NR3C1: variants seen among roughly 807,000 people sequenced by gnomAD.
NR3C1 encodes nuclear receptor subfamily 3 group C member 1.
In NR3C1, 14 loss-of-function variants were observed where a neutral mutation model predicts 74.0. The observed-to-expected ratio is 0.19, with a 90% CI of 0.12 to 0.30. The LOEUF is 0.30. NR3C1 is among the 10% of genes least tolerant of loss of function. The pLI, the probability that NR3C1 is intolerant of heterozygous loss-of-function variation, is 1.00. For missense variants in NR3C1, 695 were observed against 909.8 expected (o/e 0.76, Z 3.04); for synonymous variants, 308 against 332.5 (o/e 0.93, Z 0.80).
At chr5:143,385,176 T>G (rs7716360) in intron 2 of NR3C1, among the ~76,000 whole-genome samples, 11 of 152,018 alleles carry the variant, frequency 7.2e-5, no homozygotes, top group Admixed American at 2.0e-4. Flanking sequence ...CAGGGCACCA[T>G]GTCCTGAGGC....
At chr5:143,330,878 C>T (rs558055426) in intron 2 of NR3C1, among the ~76,000 whole-genome samples, 72 of 152,262 alleles carry the variant, frequency 4.7e-4, no homozygotes, top group Non-Finnish European at 8.1e-4. Context: ...CGCCATACTG[C>T]CCAAAGCAAT....
chr5:143,302,162 G>T (rs1007326458), intron 4 of NR3C1, among the ~76,000 whole-genome samples: 1 of 152,072 alleles, frequency 6.6e-6, no homozygotes, highest in Non-Finnish European at 1.5e-5. Context: ...TCTGTAAAAT[G>T]AGGACAATAT....
intron 7 of NR3C1, among the ~76,000 whole-genome samples, chr5:143,287,371 A>C (rs1814738908): frequency 6.6e-6 from 1 of 152,184 alleles, no homozygotes; most frequent in South Asian, 2.1e-4. Context: ...GGATCCTACA[A>C]AACTTAAAGG....
chr5:143,391,042 T>A (rs891121576), intron 2 of NR3C1, among the ~76,000 whole-genome samples: 8 of 149,394 alleles, frequency 5.4e-5, no homozygotes, highest in South Asian at 2.1e-4. Flanking sequence ...TTTTCTGTTT[T>A]AAAAAAAAAA....
intron 7 of NR3C1, among the ~76,000 whole-genome samples, chr5:143,286,465 G>GTA (rs1304988282): frequency 1.3e-5 from 2 of 152,036 alleles, no homozygotes; most frequent in Non-Finnish European, 2.9e-5. Flanking sequence ...AAATTAAACA[G>GTA]TATATTATAC....
chr5:143,358,361 G>A (rs1380683277), intron 2 of NR3C1, among the ~76,000 whole-genome samples: 1 of 152,166 alleles, frequency 6.6e-6, no homozygotes, highest in Non-Finnish European at 1.5e-5. Flanking sequence ...TCTGAAGAGG[G>A]ATAGCCTTAT....
Position 143,403,668 on chromosome 5 carries a change from G to A in NR3C1, c.-471C>T. The A allele has an allele frequency of 2.0e-6, 2 of 985,580 alleles. No individual in the cohort carries two copies. Among genetic ancestry groups the A allele is most frequent in the Non-Finnish European group, 2.4e-6 (2 of 830,088 alleles). The allele number at this position is 985,580 out of a possible 1,614,324, so 61.1% of individuals were successfully genotyped here. On this transcript the variant is annotated 5_prime_UTR_variant, in exon 1 of 9. Transcript: ENST00000394464. ...CTGGGCGAGCGAGCGGGACCGAGCGGGGAGCGGGTGGAGGCGGCGCCACGG... is the reference window on the plus strand; with the variant it reads ...CTGGGCGAGCGAGCGGGACCGAGCGAGGAGCGGGTGGAGGCGGCGCCACGG...
Position 143,394,815 on chromosome 5 carries a change from AC to A in NR3C1, c.1184+4840del, listed in dbSNP as rs1043248646. Among the ~76,000 whole-genome samples the A allele has an allele frequency of 6.3e-4, 96 of 152,014 alleles. 1 individual carries two copies. Among genetic ancestry groups the A allele is most frequent in the African/African-American group, 2.1e-3 (87 of 41,530 alleles). On this transcript the variant is annotated intron_variant, in intron 2 of 8. Coordinates refer to ENST00000394464, the MANE Select transcript of NR3C1 (RefSeq NM_000176.3). ...TAGTCCTAAATTTTTCTTTTCTTAAACCTCTAATTCATGACAGTTGATCCAA... is the reference window on the plus strand; with the variant it reads ...TAGTCCTAAATTTTTCTTTTCTTAAACTCTAATTCATGACAGTTGATCCAA...
At position 143,278,142 on chromosome 5, in the gene NR3C1, T is replaced by G. The variant is rs1431101366; in HGVS notation, c.*3747A>C. The stretch of plus-strand genomic sequence containing the variant: ...GGTAAAAAGACACTTTTTTTTTAAC[T>G]ACAGATTATTATTCAGCATGAATAA... On this transcript the variant is annotated 3_prime_UTR_variant, in exon 9 of 9. Transcript: ENST00000394464. The G allele has an allele frequency of 6.6e-6, 1 of 152,154 alleles. No homozygotes were observed. The highest frequency in any genetic ancestry group is 2.4e-5 in the African/African-American group (1 of 41,442). The allele number at this position is 152,154 out of a possible 1,614,324, so 9.4% of individuals were successfully genotyped here.
At chr5:143,319,081 T>A (rs902667490) in intron 2 of NR3C1, among the ~76,000 whole-genome samples, 5 of 152,134 alleles carry the variant, frequency 3.3e-5, no homozygotes, top group African/African-American at 1.2e-4. Flanking sequence ...CAGGGCCCCA[T>A]GGACCACACT....
chr5:143,434,687 T>C (rs1173659067), exon 1 of NR3C1: 1 of 985,298 alleles, frequency 1.0e-6, no homozygotes, highest in African/African-American at 1.7e-5. Flanking sequence ...GAGAAGGCAC[T>C]CATTAAGTGC....
intron 2 of NR3C1, among the ~76,000 whole-genome samples, chr5:143,391,914 G>C (rs528664841): frequency 1.3e-5 from 2 of 152,010 alleles, no homozygotes; most frequent in African/African-American, 2.4e-5. Flanking sequence ...ACTTGGCAGA[G>C]CTTTAAAAAT....
intron 2 of NR3C1, among the ~76,000 whole-genome samples, chr5:143,358,268 T>A (rs1025994745): frequency 2.6e-5 from 4 of 152,176 alleles, no homozygotes; most frequent in African/African-American, 9.6e-5. Context: ...GCAGTGGACA[T>A]AAGAGGACAT....
rs1334027697 is a variant in NR3C1 at position 143,300,639 on chromosome 5, G to C, written c.1593C>G (p.Thr531=). The C allele has an allele frequency of 6.2e-7, 1 of 1,614,042 alleles. No homozygotes were observed. Among genetic ancestry groups the C allele is most frequent in the African/African-American group, 1.3e-5 (1 of 74,924 alleles). ...CAATAACCTCCAACAGTGACACCAG[G>C]GTAGGGGTGAGTTGTGGTAACGTTG... The part of the protein sequence containing the change: ...VPATLPQLTP[T]LVSLLEVIEP... Residue 531 remains threonine, a synonymous_variant, in exon 5 of 9, where the codon ACC becomes ACG. Transcript: ENST00000394464. This position sits in a 1 kb window ranked among gnomAD's most constrained non-coding sequence, Gnocchi z 5.2.
intron 2 of NR3C1, among the ~76,000 whole-genome samples, chr5:143,369,785 G>T (rs527534632): frequency 6.6e-6 from 1 of 152,110 alleles, no homozygotes; most frequent in East Asian, 1.9e-4. Flanking sequence ...ACTGTTCTAC[G>T]GTGAAGTTTA....
chr5:143,320,576 T>C (rs1212123672), intron 2 of NR3C1, among the ~76,000 whole-genome samples: 1 of 152,188 alleles, frequency 6.6e-6, no homozygotes, highest in East Asian at 1.9e-4. Flanking sequence ...CCAAATAAGC[T>C]GGCCATATCT....
chr5:143,413,104 C>T (rs971565709), intron 1 of NR3C1, among the ~76,000 whole-genome samples: 5 of 152,158 alleles, frequency 3.3e-5, no homozygotes, highest in Non-Finnish European at 7.4e-5. Context: ...TGATAACAAT[C>T]TCTTCTCTGG....
intron 6 of NR3C1, among the ~76,000 whole-genome samples, chr5:143,297,075 C>CAAAAAA (rs766243522): frequency 1.1e-3 from 65 of 59,982 alleles, no homozygotes; most frequent in Non-Finnish European, 1.3e-3. Context: ...AGACTCGTCT[C>CAAAAAA]AAAAAAAAAA....
intron 1 of NR3C1, among the ~76,000 whole-genome samples, chr5:143,433,452 T>TTTTATA (rs144498485): frequency 4.2e-5 from 5 of 119,692 alleles, no homozygotes; most frequent in Middle Eastern, 4.2e-3. Context: ...TTTATTTAAA[T>TTTTATA]TATATATATA....
Sources: gnomAD v4.1 joint callset for allele counts (sites outside exome capture counted in the v4.1 genomes callset) on GRCh38, gnomAD v4.1.1 for gene constraint, Gnocchi (gnomAD v3.1) non-coding constraint, MANE v1.5 for transcripts, NCBI Gene and HGNC (gene_info 2026-07-23, HGNC 2026-07-21) for gene names.